The following CEACAM7 variants were observed in gnomAD, a reference collection of about 807,000 sequenced individuals.
CEACAM7 encodes the protein cell adhesion molecule CEACAM7.
CEACAM7 carries 24 observed loss-of-function variants against 25.7 expected under a neutral mutation model. The observed-to-expected ratio is 0.93, with a 90% CI of 0.68 to 1.31. The LOEUF is 1.31. Among genes scored for constraint, CEACAM7 ranks in the 40% most tolerant of loss-of-function variants. The pLI, the probability that CEACAM7 is intolerant of heterozygous loss-of-function variation, is 0.00. For missense variants in CEACAM7, 324 were observed against 330.1 expected (o/e 0.98, Z 0.14); for synonymous variants, 144 against 129.4 (o/e 1.11, Z -0.77).
In CEACAM7 at chr19:41,687,127, T is replaced by A; in HGVS notation, c.159A>T (p.Leu53=). Residue 53 remains leucine (L), a synonymous_variant, in exon 2 of 5, where the codon CTA becomes CTT. Coordinates refer to ENST00000401731, the MANE Select transcript of CEACAM7 (RefSeq NM_001291485.2). ...FNVAEGKEVL[L]VVHNESQNLY... is the part of the protein sequence containing the mutation. ...GATTCTGGGACTCATTATGGACTAC[T>A]AGAAGGACCTCCTTCCCTTCTGCGA... The A allele has an allele frequency of 6.2e-7, 1 of 1,614,124 alleles. No individual in the cohort carries two copies. The highest frequency in any genetic ancestry group is 8.5e-7 in the Non-Finnish European group (1 of 1,179,988).
chr19:41,680,453 C>A (rs1169094581), intron 3 of CEACAM7, among the ~76,000 whole-genome samples: 3 of 151,876 alleles, frequency 2.0e-5, no homozygotes, highest in Admixed American at 2.0e-4. Flanking sequence ...CTCTAAATAG[C>A]CAAACAATAT....
At position 41,675,093 on chromosome 19, in the gene CEACAM7, C is replaced by T. The variant is rs149568714; in HGVS notation, c.*37-354G>A. On this transcript the variant is annotated intron_variant, in intron 4 of 4. Transcript: ENST00000401731. ...TTTGCCTGCAGTACCTCAGTACCTA[C>T]GGGTTCATTCTATGTATATTTCCAA... Among the ~76,000 whole-genome samples, 232 of 152,274 alleles carry T rather than the reference C, an allele frequency of 1.5e-3. 2 individuals are homozygous for T. Among genetic ancestry groups the T allele is most frequent in the African/African-American group, 5.4e-3 (223 of 41,534 alleles).
At chr19:41,687,673 T>A (rs1555811385) in intron 1 of CEACAM7, among the ~76,000 whole-genome samples, 1 of 152,218 alleles carries the variant, frequency 6.6e-6, no homozygotes, top group South Asian at 2.1e-4. Flanking sequence ...TGAACTGGAT[T>A]GCACCCCAGT....
intron 3 of CEACAM7, among the ~76,000 whole-genome samples, chr19:41,682,040 G>A (rs2072180941): frequency 6.6e-6 from 1 of 152,094 alleles, no homozygotes; most frequent in Non-Finnish European, 1.5e-5. Context: ...CGACATTCTG[G>A]GCTGAAGTGG....
At chr19:41,682,754 T>G (rs2072187713) in intron 3 of CEACAM7, among the ~76,000 whole-genome samples, 1 of 152,226 alleles carries the variant, frequency 6.6e-6, no homozygotes, top group Non-Finnish European at 1.5e-5. Context: ...GTGTGAGATG[T>G]TTCAAAGCTT....
At chr19:41,678,057 C>T (rs1204636133) in intron 3 of CEACAM7, among the ~76,000 whole-genome samples, 1 of 152,042 alleles carries the variant, frequency 6.6e-6, no homozygotes, top group African/African-American at 2.4e-5. Flanking sequence ...TTCTCTTTCT[C>T]CTCCACAGGC....
chr19:41,684,040 T>G lies in CEACAM7; in HGVS notation c.451A>C (p.Thr151Pro). ...VFSEPPKPSI[T>P]SNNFNPVENK... ...TCCACCGGATTGAAGTTGTTGCTGG[T>G]GATGGAGGGCTTGGGTGGCTCCGCT... The change falls in exon 3 of 5, where the codon ACC becomes CCC. Residue 151 changes from threonine to proline, a missense_variant. Coordinates refer to ENST00000401731, the MANE Select transcript of CEACAM7 (RefSeq NM_001291485.2). 1 of 1,614,060 alleles carries G rather than the reference T, an allele frequency of 6.2e-7. No homozygotes were observed. Among genetic ancestry groups the G allele is most frequent in the Non-Finnish European group, 8.5e-7 (1 of 1,179,996 alleles).
chr19:41,681,555 G>A (rs1220933632), intron 3 of CEACAM7, among the ~76,000 whole-genome samples: 3 of 152,038 alleles, frequency 2.0e-5, no homozygotes, highest in African/African-American at 7.3e-5. Flanking sequence ...TAAGTCAAGA[G>A]GCAAAATGAA....
At chr19:41,679,331 T>C (rs1568686259) in intron 3 of CEACAM7, among the ~76,000 whole-genome samples, 1 of 152,134 alleles carries the variant, frequency 6.6e-6, no homozygotes, top group Non-Finnish European at 1.5e-5. Flanking sequence ...GACTAATAAC[T>C]ACTAGGGAGA....
chr19:41,677,397 A>G lies in CEACAM7; in HGVS notation c.*15T>C. The G allele has an allele frequency of 1.3e-6, 2 of 1,596,920 alleles. No individual in the cohort carries two copies. Among genetic ancestry groups the G allele is most frequent in the Non-Finnish European group, 1.7e-6 (2 of 1,164,468 alleles). On this transcript the variant is annotated 3_prime_UTR_variant, in exon 4 of 5. Coordinates refer to ENST00000401731, the MANE Select transcript of CEACAM7 (RefSeq NM_001291485.2). ...CTACCACTCTTCCCGAAATGCAGAA[A>G]CTACACCAAGGCTGCTATATCAGAG... is the stretch of plus-strand genomic sequence containing the variant.
At chr19:41,684,148 C>G in intron 2 of CEACAM7, 85 bp from the exon 3 acceptor site, 8 of 1,472,870 alleles carry the variant, frequency 5.4e-6, no homozygotes, top group Non-Finnish European at 7.5e-6. Context: ...TTGGCATCTC[C>G]CACCTCTAAG....
chr19:41,687,338 TG>T, intron 1 of CEACAM7, 117 bp from the exon 2 acceptor site: 1 of 945,722 alleles, frequency 1.1e-6, no homozygotes, highest in African/African-American at 1.6e-5. Context: ...TAAGTGTGTG[TG>T]TGTGTGTGTG....
intron 3 of CEACAM7, 27 bp downstream of exon 3, chr19:41,683,758 G>A (rs1180755817): frequency 1.2e-6 from 2 of 1,611,830 alleles, no homozygotes; most frequent in Admixed American, 1.7e-5. Flanking sequence ...TGTCAGCCTG[G>A]GCCACAGAGG....
intron 2 of CEACAM7, among the ~76,000 whole-genome samples, chr19:41,685,432 G>C (rs1555811107): frequency 6.6e-6 from 1 of 152,150 alleles, no homozygotes; most frequent in East Asian, 1.9e-4. Flanking sequence ...GGGGATGAGA[G>C]AGGTGGAACA....
rs2072089119 is a variant in CEACAM7, at chr19:41,673,943, C to G, written c.*833G>C. On this transcript the variant is annotated 3_prime_UTR_variant, in exon 5 of 5. Transcript: ENST00000401731. The stretch of plus-strand genomic sequence containing the variant: ...AAGAGTTTGAAGTATGATCCATAGG[C>G]AGAGACCCCATGAACCAAACCAAAT... 6.6e-6 allele frequency: 1 copy of G among 152,164 alleles called. No homozygotes were observed. Among genetic ancestry groups the G allele is most frequent in the South Asian group, 2.1e-4 (1 of 4,826 alleles). 9.4% of individuals were successfully genotyped at this position (152,164 alleles called of 1,614,324 possible).
rs2072093524 is a variant in CEACAM7 at position 41,674,378 on chromosome 19, A to G, written c.*398T>C. 6.5e-6 allele frequency: 1 copy of G among 154,362 alleles called. No homozygotes were observed. The highest frequency in any genetic ancestry group is 1.4e-5 in the Non-Finnish European group (1 of 69,442). The allele number at this position is 154,362 out of a possible 1,614,324, so 9.6% of individuals were successfully genotyped here. A position where few individuals can be genotyped will look rare whatever the true frequency, so the allele number is the denominator to read the frequency against. ...GTCAAATTACCTGCACAAGGCGCTG[A>G]TTGTGAAATTCTAGTTACAGCATTA... On this transcript the variant is annotated 3_prime_UTR_variant, in exon 5 of 5. Transcript: ENST00000401731.
In CEACAM7 at chr19:41,688,152, G is replaced by A. The variant is rs782311688; in HGVS notation, c.14C>T (p.Ser5Leu). The change falls in exon 1 of 5, where the codon TCA becomes TTA. Residue 5 changes from serine (S) to leucine (L), a missense_variant. Physicochemically the swap from Ser to Leu is moderately radical, Grantham distance 145 (BLOSUM62 -2). Coordinates refer to ENST00000401731, the MANE Select transcript of CEACAM7 (RefSeq NM_001291485.2). ...AATGCACACTCTGTATGGACAGGCT[G>A]AAGGGGACCCCATGGTCTCTGCTGC... MGSP[S>L]ACPYRVCIPW... The A allele has an allele frequency of 1.9e-6, 3 of 1,611,340 alleles. No homozygotes were observed. Among genetic ancestry groups the A allele is most frequent in the Non-Finnish European group, 2.5e-6 (3 of 1,178,532 alleles).
Position 41,679,801 on chromosome 19 carries a change from C to CTTT in CEACAM7, c.707-2301_707-2299dup, listed in dbSNP as rs34340713. On this transcript the variant is annotated intron_variant, in intron 3 of 4. Transcript: ENST00000401731. ...TCTCTGTCTCTTTCTCTCTCTCTCT[C>CTTT]TTTTTTTTTTTTTTTTTTGAGACAG... Among the ~76,000 whole-genome samples the CTTT allele has an allele frequency of 7.1e-3, 798 of 111,884 alleles. 30 individuals are homozygous for CTTT. Among genetic ancestry groups the CTTT allele is most frequent in the African/African-American group, 0.027 (768 of 28,178 alleles). 73.4% of individuals were successfully genotyped at this position (111,884 alleles called of 152,430 possible).
At position 41,686,913 on chromosome 19, in the gene CEACAM7, C is replaced by A. The variant is rs148268768; in HGVS notation, c.373G>T (p.Val125Phe). ...TCATTCACAAGATTTTCTTTTATAA[C>A]GTGTAGGGTATAGATTCCTGCGTCA... The part of the protein sequence containing the change: ...HNDAGIYTLH[V>F]IKENLVNEEV... The change falls in exon 2 of 5, where the codon GTT becomes TTT. Residue 125 changes from valine (V) to phenylalanine (F), a missense_variant. Transcript: ENST00000401731. 526 of 1,554,988 alleles carry A rather than the reference C, an allele frequency of 3.4e-4. 3 individuals carry two copies. In the African/African-American group the frequency reaches 6.2e-3, roughly 18 times the overall value.
Sources: allele counts gnomAD v4.1 joint callset (sites outside exome capture counted in the v4.1 genomes callset), GRCh38; gene constraint gnomAD v4.1.1; transcripts MANE v1.5; gene names NCBI Gene and HGNC (gene_info 2026-07-23, HGNC 2026-07-21).